CACNA1F: variants seen among roughly 807,000 people sequenced by gnomAD.
CACNA1F encodes voltage-dependent L-type calcium channel subunit alpha-1F.
In CACNA1F, 59 loss-of-function variants were observed where a neutral mutation model predicts 143.8. That is an observed-to-expected ratio of 0.41 (90% CI 0.33 to 0.51). The LOEUF (loss-of-function observed/expected upper bound fraction) is 0.51. Among genes scored for constraint, CACNA1F ranks in the 20% least tolerant of loss-of-function variants. CACNA1F has a pLI of 0.22. For missense variants in CACNA1F, 1,411 were observed against 1,647.5 expected, an observed-to-expected ratio of 0.86 and a Z score of 2.48; for synonymous variants, 643 against 649.1, an observed-to-expected ratio of 0.99 and a Z score of 0.14.
chrX:49,212,303 C>T lies in CACNA1F; in HGVS notation c.3948G>A (p.Leu1316=), dbSNP rs1359718791. ...LWTFIKSFQA[L]PYVALLIAMI... ...TTGCGATGAGAAGAGCCACATAGGGCAAGGCCTATAGGGATGGGGGAGGGG... is the reference window on the plus strand; with the variant it reads ...TTGCGATGAGAAGAGCCACATAGGGTAAGGCCTATAGGGATGGGGGAGGGG... Residue 1316 remains leucine, a synonymous_variant, in exon 34 of 48, where the codon TTG becomes TTA. Coordinates refer to ENST00000323022, the MANE Select transcript of CACNA1F (RefSeq NM_001256789.3). 5 of 1,198,561 alleles carry T rather than the reference C, an allele frequency of 4.2e-6. No individual in the cohort carries two copies. Among genetic ancestry groups the T allele is most frequent in the Admixed American group, 2.2e-5 (1 of 45,747 alleles).
intron 6 of CACNA1F, among the ~76,000 whole-genome samples, chrX:49,229,392 A>G (rs1435084424): frequency 9.0e-6 from 1 of 111,204 alleles, no homozygotes; most frequent in Non-Finnish European, 1.9e-5. Context: ...CCTGACCTCA[A>G]GTGATCCATC....
Position 49,219,441 on chromosome X carries a change from C to G in CACNA1F, c.2553G>C (p.Lys851Asn). The G allele has an allele frequency of 8.3e-7, 1 of 1,207,955 alleles. No individual in the cohort carries two copies. Among genetic ancestry groups the G allele is most frequent in the African/African-American group, 1.7e-5 (1 of 57,700 alleles). Residue 851 changes from lysine (K) to asparagine (N), a missense_variant, in exon 21 of 48, where the codon AAG becomes AAC. Coordinates refer to ENST00000323022, the MANE Select transcript of CACNA1F (RefSeq NM_001256789.3). ...FCLSQTNPLR[K>N]GCHTLIHHHV... ...GATGGTGGATGAGGGTGTGGCAGCC[C>G]TTCCTCAGCCTGTGGAGAGGGAGTG... is the stretch of plus-strand genomic sequence containing the variant.
chrX:49,213,218 C>T lies in CACNA1F; in HGVS notation c.3793-224G>A, dbSNP rs144018009. ...AGTAAAGGAGGTGATGGATCAGAGA[C>T]ATTGGAGCCAATAGAGGAAATGATG... On this transcript the variant is annotated intron_variant, in intron 31 of 47. Transcript: ENST00000323022. 7.3e-3 allele frequency among the ~76,000 whole-genome samples: 807 copies of T among 110,994 alleles called. 6 individuals are homozygous for T. Among genetic ancestry groups the T allele is most frequent in the Non-Finnish European group, 0.01 (537 of 52,853 alleles).
chrX:49,231,066 C>T, intron 3 of CACNA1F, 77 bp from the exon 4 acceptor site: 10 of 882,550 alleles, frequency 1.1e-5, no homozygotes, highest in Non-Finnish European at 1.5e-5. Context: ...GCGTGGGGAG[C>T]ATAGTCAGGA....
chrX:49,224,070 T>C (rs2065801076), intron 14 of CACNA1F, among the ~76,000 whole-genome samples: 1 of 110,879 alleles, frequency 9.0e-6, no homozygotes, highest in Non-Finnish European at 1.9e-5. Context: ...AAGCTAGAAT[T>C]GGGTTTCAGC....
chrX:49,206,625 TG>T lies in CACNA1F; in HGVS notation c.5360-3del, dbSNP rs1557104938. The T allele has an allele frequency of 8.4e-7, 1 of 1,194,714 alleles. No homozygotes were observed. The highest frequency in any genetic ancestry group is 1.1e-6 in the Non-Finnish European group (1 of 881,024). The stretch of plus-strand genomic sequence containing the variant: ...GGATGGTGAAGGAGGGCTTCCGACC[TG>T]GGGGTGGGTGGGGCACCAGGGGCAA... On this transcript the variant is annotated splice_polypyrimidine_tract_variant and splice_region_variant and intron_variant, in intron 45 of 47. Transcript: ENST00000323022.
Position 49,222,926 on chromosome X carries a change from T to C in CACNA1F, c.2085+3A>G. On this transcript the variant is annotated splice_donor_region_variant and intron_variant, in intron 15 of 47. Coordinates refer to ENST00000323022, the MANE Select transcript of CACNA1F (RefSeq NM_001256789.3). ...CACCCATCCCATGGTCTCCAGATCCTACCTGAAAGACAGTGAGGAGGGCCT... is the reference window on the plus strand; with the variant it reads ...CACCCATCCCATGGTCTCCAGATCCCACCTGAAAGACAGTGAGGAGGGCCT... 1 of 776,710 alleles carries C rather than the reference T, an allele frequency of 1.3e-6. No homozygotes were observed. Among genetic ancestry groups the C allele is most frequent in the South Asian group, 2.0e-5 (1 of 49,169 alleles). 64.0% of individuals were successfully genotyped at this position (776,710 alleles called of 1,213,427 possible). A position where few individuals can be genotyped will look rare whatever the true frequency, so the allele number is the denominator to read the frequency against.
intron 9 of CACNA1F, 30 bp from the exon 10 acceptor site, chrX:49,226,732 G>T (rs1178982002): frequency 8.1e-6 from 9 of 1,117,563 alleles, no homozygotes; most frequent in Non-Finnish European, 1.1e-5. Context: ...AATTAGGGAG[G>T]ACATACTGGG....
chrX:49,211,416 G>A lies in CACNA1F; in HGVS notation c.4166C>T (p.Pro1389Leu). 1 of 1,210,007 alleles carries A rather than the reference G, an allele frequency of 8.3e-7. No homozygotes were observed. The highest frequency in any genetic ancestry group is 1.1e-6 in the Non-Finnish European group (1 of 893,855). The change falls in exon 36 of 48, where the codon CCT becomes CTT. Residue 1389 changes from proline (P) to leucine (L), a missense_variant. By Grantham distance (98) the Pro-to-Leu change is moderately conservative. Around this residue, in one of 3 missense-constraint regions of CACNA1F, gnomAD observed 112 missense variants for 169.2 expected, o/e 0.66. Transcript: ENST00000323022. Reference sequence around the variant, plus strand: ...TTCACCAGGGCCGAAGTCAGACTCAGGATCACACCGATTTCCGGGAAGGCT... The same window carrying A: ...TTCACCAGGGCCGAAGTCAGACTCAAGATCACACCGATTTCCGGGAAGGCT... The part of the protein sequence containing the change: ...LASLPGNRCD[P>L]ESDFGPGEEF...
In CACNA1F at chrX:49,226,030, G is replaced by C; in HGVS notation, c.1530C>G (p.Arg510=). Residue 510 remains arginine (R), a synonymous_variant, in exon 13 of 48, where the codon CGC becomes CGG. Transcript: ENST00000323022. ...CATTGGACTTCACTGCCCGACGGCA[G>C]CGTGCCCGAAGGACCCGGTTGGCTC... The part of the protein sequence containing the change: ...LRRANRVLRA[R]CRRAVKSNAC... The C allele has an allele frequency of 8.4e-7, 1 of 1,190,291 alleles. No homozygotes were observed. Among genetic ancestry groups the C allele is most frequent in the Non-Finnish European group, 1.1e-6 (1 of 884,301 alleles).
chrX:49,227,247 G>GTGCAAAGGCCCTGA, intron 8 of CACNA1F, 120 bp from the exon 9 acceptor site: 1 of 588,183 alleles, frequency 1.7e-6, no homozygotes, highest in Non-Finnish European at 2.8e-6. Flanking sequence ...TCTAGCCTCA[G>GTGCAAAGGCCCTGA]GGCCTTTGCA....
intron 24 of CACNA1F, 138 bp from the exon 25 acceptor site, chrX:49,218,143 A>G: frequency 2.0e-6 from 1 of 501,792 alleles, no homozygotes; most frequent in Non-Finnish European, 3.5e-6. Context: ...GGTTAGCAAC[A>G]TGTGTTCAAG....
At position 49,225,965 on chromosome X, in the gene CACNA1F, G is replaced by A. The variant is rs781971299; in HGVS notation, c.1595C>T (p.Thr532Met). Reference sequence around the variant, plus strand: ...GTGGTGCTCAGAGGCGATGGTCAACGTGTTGAGGAAGACGAGCAACAGCAC... The same window carrying A: ...GTGGTGCTCAGAGGCGATGGTCAACATGTTGAGGAAGACGAGCAACAGCAC... ...WAVLLLVFLN[T>M]LTIASEHHGQ... The change falls in exon 13 of 48, where the codon ACG becomes ATG. Residue 532 changes from threonine to methionine, a missense_variant. This residue lies in a region of CACNA1F where 950 missense variants were observed against 1,128.1 expected (regional missense o/e 0.84). Transcript: ENST00000323022. 1.6e-5 allele frequency: 19 copies of A among 1,169,393 alleles called. No homozygotes were observed. The highest frequency in any genetic ancestry group is 1.9e-5 in the South Asian group (1 of 52,761).
At chrX:49,222,358 G>A in intron 17 of CACNA1F, 164 bp downstream of exon 17, 1 of 483,741 alleles carries the variant, frequency 2.1e-6, no homozygotes, top group Non-Finnish European at 3.7e-6. Flanking sequence ...GCACACAGTA[G>A]GCAGTCAATA....
chrX:49,212,335 G>A, intron 33 of CACNA1F, 27 bp from the exon 34 acceptor site: 1 of 1,099,030 alleles, frequency 9.1e-7, no homozygotes, highest in Non-Finnish European at 1.3e-6. Context: ...GGGGGGCAGA[G>A]AATAGATGCA....
At chrX:49,215,061 C>T (rs1453204092) in intron 29 of CACNA1F, 25 bp downstream of exon 29, 7 of 1,194,293 alleles carry the variant, frequency 5.9e-6, no homozygotes, top group South Asian at 3.5e-5. Context: ...AGGAGTCTGG[C>T]GGGGGTCAGG....
chrX:49,221,179 C>T (rs1381499097), intron 17 of CACNA1F, 99 bp from the exon 18 acceptor site: 14 of 695,106 alleles, frequency 2.0e-5, no homozygotes, highest in South Asian at 4.6e-5. Flanking sequence ...TTCTTGCTTC[C>T]GCTCTTCCCC....
chrX:49,231,244 G>T lies in CACNA1F; in HGVS notation c.339C>A (p.Ile113=), dbSNP rs371293383. The change falls in exon 3 of 48, where the codon ATC becomes ATA. Residue 113 remains isoleucine (I), a synonymous_variant. Transcript: ENST00000323022. ...FANCVALGVY[I]PFPEDDSNTA... Reference sequence around the variant, plus strand: ...TGTTGGAGTCGTCCTCAGGGAAGGGGATGTAAACTCCCAGGGCCACGCAGT... The same window carrying T: ...TGTTGGAGTCGTCCTCAGGGAAGGGTATGTAAACTCCCAGGGCCACGCAGT... The T allele has an allele frequency of 1.7e-6, 2 of 1,166,934 alleles. No individual in the cohort carries two copies. The highest frequency in any genetic ancestry group is 2.3e-6 in the Non-Finnish European group (2 of 871,782).
At chrX:49,207,142 C>A in intron 43 of CACNA1F, 30 bp from the exon 44 acceptor site, 1 of 902,447 alleles carries the variant, frequency 1.1e-6, no homozygotes, top group Non-Finnish European at 1.6e-6. Context: ...TTAGGCAGAC[C>A]AGATCCCTCA....
Sources: gnomAD v4.1 joint callset for allele counts (sites outside exome capture counted in the v4.1 genomes callset) on GRCh38, gnomAD v4.1.1 for gene constraint, gnomAD v4.1.1 regional missense constraint, MANE v1.5 for transcripts, NCBI Gene and HGNC (gene_info 2026-07-23, HGNC 2026-07-21) for gene names.